Variants in MAGI2 observed in about 807,000 individuals in gnomAD.
The protein encoded by MAGI2 is membrane-associated guanylate kinase, WW and PDZ domain-containing protein 2.
MAGI2 carries 35 observed loss-of-function variants against 133.3 expected under a neutral mutation model. The observed-to-expected ratio is 0.26, with a 90% CI of 0.20 to 0.35. MAGI2 has a LOEUF of 0.35. Among genes scored for constraint, MAGI2 ranks in the 10% least tolerant of loss-of-function variants. The probability of loss-of-function intolerance (pLI) is 1.00; values close to 1 mark genes in which losing one functional copy is unlikely to be tolerated. For missense variants in MAGI2, 1,636 were observed against 1,863.4 expected (o/e 0.88, Z 2.25); for synonymous variants, 729 against 710.6 (o/e 1.03, Z -0.41).
rs185794313 is a variant in MAGI2 at position 78,091,548 on chromosome 7, T to A, written c.3568-12463A>T. Among the ~76,000 whole-genome samples the A allele has an allele frequency of 9.1e-4, 138 of 152,344 alleles. 3 individuals carry two copies. On this transcript the variant is annotated intron_variant, in intron 20 of 21. Transcript: ENST00000354212. ...CACTGAGGGCAAGGAGCTCATCTTA[T>A]TAATCTTTTTATCTCTGGTTTCTCT...
intron 2 of MAGI2, among the ~76,000 whole-genome samples, chr7:78,641,207 T>A (rs1237817442): frequency 1.3e-5 from 2 of 152,188 alleles, no homozygotes; most frequent in Non-Finnish European, 2.9e-5. Context: ...GTCTTGGGTA[T>A]GTTCTCATAG....
At chr7:78,502,522 TAG>T (rs941989581) in intron 4 of MAGI2, among the ~76,000 whole-genome samples, 3 of 152,178 alleles carry the variant, frequency 2.0e-5, no homozygotes, top group African/African-American at 7.2e-5. Context: ...TACAGTAAGA[TAG>T]AGAGAGAGAA....
intron 6 of MAGI2, among the ~76,000 whole-genome samples, chr7:78,389,547 T>C (rs111917877): frequency 5.9e-5 from 9 of 152,288 alleles, no homozygotes; most frequent in Non-Finnish European, 8.8e-5. Context: ...AGATAAAATG[T>C]TGTACCTTTC....
intron 3 of MAGI2, among the ~76,000 whole-genome samples, chr7:78,594,599 A>G (rs1443660161): frequency 6.6e-6 from 1 of 152,142 alleles, no homozygotes; most frequent in Non-Finnish European, 1.5e-5. Flanking sequence ...CTGGGATTAC[A>G]GGCAAGCACC....
At chr7:78,616,932 T>C (rs1227478936) in intron 3 of MAGI2, 1 of 152,196 alleles carries the variant, frequency 6.6e-6, no homozygotes, top group African/African-American at 2.4e-5. Flanking sequence ...TTCAAACAAA[T>C]TTTCTGACTC....
At chr7:78,504,977 A>G (rs1287623663) in intron 4 of MAGI2, among the ~76,000 whole-genome samples, 1 of 152,162 alleles carries the variant, frequency 6.6e-6, no homozygotes, top group East Asian at 1.9e-4. Context: ...TAAGTGATAT[A>G]TAGTTATATC....
At chr7:78,273,913 C>A (rs1794815086) in intron 9 of MAGI2, among the ~76,000 whole-genome samples, 1 of 152,100 alleles carries the variant, frequency 6.6e-6, no homozygotes. Context: ...TTGCTAATAC[C>A]TACCTTCTGA....
At chr7:78,489,156 A>G (rs1793355144) in intron 6 of MAGI2, among the ~76,000 whole-genome samples, 1 of 152,104 alleles carries the variant, frequency 6.6e-6, no homozygotes, top group Admixed American at 6.6e-5. Flanking sequence ...AACAAGGTTT[A>G]CATTCATCTA....
intron 1 of MAGI2, among the ~76,000 whole-genome samples, chr7:79,035,776 G>T (rs949443101): frequency 2.6e-5 from 4 of 152,094 alleles, no homozygotes; most frequent in Non-Finnish European, 5.9e-5. Context: ...CTAGACTCAT[G>T]GAGAGCACTT....
chr7:79,251,185 T>C (rs1347246881), intron 1 of MAGI2, among the ~76,000 whole-genome samples: 1 of 152,088 alleles, frequency 6.6e-6, no homozygotes, highest in Non-Finnish European at 1.5e-5. Flanking sequence ...GGCAACAATT[T>C]TTTTAGTAGT....
intron 20 of MAGI2, among the ~76,000 whole-genome samples, chr7:78,122,199 T>C (rs980868445): frequency 1.3e-5 from 2 of 152,328 alleles, no homozygotes; most frequent in African/African-American, 2.4e-5. Context: ...AGTGGGGCTA[T>C]GGGTTCATGG....
intron 2 of MAGI2, among the ~76,000 whole-genome samples, chr7:78,810,591 C>T (rs1162235050): frequency 6.6e-6 from 1 of 152,058 alleles, no homozygotes; most frequent in Non-Finnish European, 1.5e-5. Flanking sequence ...AAATATTTAA[C>T]TCTGAATTAT....
intron 18 of MAGI2, among the ~76,000 whole-genome samples, chr7:78,129,392 T>G (rs1821317095): frequency 6.6e-6 from 1 of 152,152 alleles, no homozygotes; most frequent in Admixed American, 6.5e-5. Flanking sequence ...GGGCAAAAAA[T>G]TATGTTGCTT....
At chr7:78,311,512 G>C (rs1798701670) in intron 9 of MAGI2, among the ~76,000 whole-genome samples, 1 of 152,170 alleles carries the variant, frequency 6.6e-6, no homozygotes, top group African/African-American at 2.4e-5. Flanking sequence ...AAGTAGTAGG[G>C]ACAGAATAAT....
chr7:78,291,202 A>C (rs1363411366), intron 9 of MAGI2, among the ~76,000 whole-genome samples: 1 of 152,206 alleles, frequency 6.6e-6, no homozygotes, highest in Non-Finnish European at 1.5e-5. Context: ...AATAAAGAAG[A>C]AAAGAGAGAA....
intron 10 of MAGI2, among the ~76,000 whole-genome samples, chr7:78,207,359 A>AG (rs1183933360): frequency 6.6e-6 from 1 of 152,214 alleles, no homozygotes; most frequent in Non-Finnish European, 1.5e-5. Context: ...TTTCCCAAAG[A>AG]GGAAAAAAAG....
At chr7:79,318,575 T>C (rs187712928) in intron 1 of MAGI2, among the ~76,000 whole-genome samples, 1 of 152,308 alleles carries the variant, frequency 6.6e-6, no homozygotes, top group East Asian at 1.9e-4. Context: ...TGAATAACTA[T>C]ACTTATCAAA....
At chr7:78,636,743 A>G (rs184943582) in intron 2 of MAGI2, among the ~76,000 whole-genome samples, 71 of 152,286 alleles carry the variant, frequency 4.7e-4, no homozygotes, top group African/African-American at 1.7e-3. Flanking sequence ...GTTTACAGTG[A>G]GTCGAGATCG....
intron 9 of MAGI2, among the ~76,000 whole-genome samples, chr7:78,328,912 G>C (rs1024397405): frequency 2.0e-5 from 3 of 152,164 alleles, no homozygotes; most frequent in African/African-American, 7.2e-5. Flanking sequence ...GAAGATAAAA[G>C]TGATGATATA....
Sources: gnomAD v4.1 joint callset for allele counts (sites outside exome capture counted in the v4.1 genomes callset) on GRCh38, gnomAD v4.1.1 for gene constraint, MANE v1.5 for transcripts, NCBI Gene and HGNC (gene_info 2026-07-23, HGNC 2026-07-21) for gene names.